The following LRRC37B variants were observed in gnomAD, a reference collection of about 807,000 sequenced individuals.
LRRC37B encodes the protein leucine-rich repeat-containing protein 37B.
Under a neutral mutation model 98.3 loss-of-function variants are expected in LRRC37B, and 28 were observed. The ratio of observed to expected loss-of-function variants is 0.28; its 90% CI spans 0.21 to 0.39. The LOEUF is 0.39. Ranked by LOEUF, LRRC37B falls within the 10% of genes least tolerant of loss-of-function variation. The pLI is 1.00. For synonymous variants in LRRC37B, 364 were observed against 442.7 expected, an observed-to-expected ratio of 0.82 and a Z score of 2.23; for missense variants, 938 against 1,182.7, an observed-to-expected ratio of 0.79 and a Z score of 3.03.
At chr17:32,040,960 A>G in intron 7 of LRRC37B, 3 of 922,954 alleles carry the variant, frequency 3.3e-6, no homozygotes, top group Non-Finnish European at 5.5e-6. Context: ...AAGATCCCCG[A>G]TGAGGAGCTG....
intron 1 of LRRC37B, chr17:32,024,326 C>T: frequency 1.8e-6 from 1 of 570,376 alleles, no homozygotes; most frequent in Non-Finnish European, 3.2e-6. Context: ...TTTCTTTCTA[C>T]TTATTTATCG....
intron 1 of LRRC37B, among the ~76,000 whole-genome samples, chr17:32,013,151 A>T (rs1341185397): frequency 1.3e-5 from 2 of 152,102 alleles, no homozygotes; most frequent in Admixed American, 6.6e-5. Flanking sequence ...TTTAATCTAT[A>T]TATCATGATA....
upstream of LRRC37B, chr17:32,007,754 C>CA: frequency 8.4e-7 from 1 of 1,193,580 alleles, no homozygotes. This position sits in a 1 kb window ranked among gnomAD's most constrained non-coding sequence, Gnocchi z 4.1. Flanking sequence ...GGCAGGTGGG[C>CA]AGCCGCCAGG....
intron 8 of LRRC37B, among the ~76,000 whole-genome samples, chr17:32,046,716 C>G (rs1365813349): frequency 6.6e-6 from 1 of 151,130 alleles, no homozygotes; most frequent in Non-Finnish European, 1.5e-5. Context: ...GTGCTAAGTG[C>G]TGTAGCCTAG....
chr17:32,032,745 CT>C (rs1052573515), intron 5 of LRRC37B, among the ~76,000 whole-genome samples: 2 of 152,154 alleles, frequency 1.3e-5, no homozygotes, highest in African/African-American at 4.8e-5. Flanking sequence ...GTCTGTTTTT[CT>C]TTTGCCCTCA....
At chr17:32,045,938 G>C in intron 8 of LRRC37B, 120 bp downstream of exon 11, 1 of 1,108,568 alleles carries the variant, frequency 9.0e-7, no homozygotes. Flanking sequence ...TACTCAGTCA[G>C]ATTTCAACTC....
intron 3 of LRRC37B, among the ~76,000 whole-genome samples, chr17:32,029,186 A>G (rs1911044541): frequency 6.6e-6 from 1 of 152,072 alleles, no homozygotes; most frequent in African/African-American, 2.4e-5. Context: ...TATTTTTAGT[A>G]GAGACGGGGT....
intron 6 of LRRC37B, 102 bp from the exon 10 acceptor site, chr17:32,035,463 G>A: frequency 3.9e-6 from 5 of 1,293,094 alleles, no homozygotes; most frequent in Non-Finnish European, 5.4e-6. Flanking sequence ...TTGTTTTATA[G>A]AGAAGCCAAA....
chr17:32,027,698 A>C, intron 2 of LRRC37B, 71 bp from the exon 6 acceptor site: 1 of 1,293,152 alleles, frequency 7.7e-7, no homozygotes, highest in Non-Finnish European at 1.1e-6. Context: ...CTCCACATGC[A>C]GGAGATAGTC....
intron 9 of LRRC37B, among the ~76,000 whole-genome samples, chr17:32,048,693 T>C (rs945119010): frequency 4.6e-5 from 7 of 152,122 alleles, no homozygotes; most frequent in Non-Finnish European, 7.4e-5. Context: ...GCCAAAAAGA[T>C]TAGAAAGTTT....
chr17:32,030,336 A>G (rs1911078365), intron 3 of LRRC37B, among the ~76,000 whole-genome samples: 1 of 152,030 alleles, frequency 6.6e-6, no homozygotes, highest in African/African-American at 2.4e-5. Context: ...TAGAAACTAT[A>G]TATAGAGATA....
At chr17:32,041,052 C>A in intron 7 of LRRC37B, 1 of 769,326 alleles carries the variant, frequency 1.3e-6, no homozygotes. Context: ...CAACATTGAG[C>A]AGGTGAGTCA....
intron 1 of LRRC37B, among the ~76,000 whole-genome samples, chr17:32,014,228 A>G (rs1262895196): frequency 1.3e-4 from 20 of 152,244 alleles, no homozygotes; most frequent in Non-Finnish European, 2.9e-4. Flanking sequence ...ACAAAGATCT[A>G]GTGATGATAA....
At chr17:32,042,964 A>G (rs1025599152) in intron 7 of LRRC37B, 42 of 152,058 alleles carry the variant, frequency 2.8e-4, no homozygotes, top group Non-Finnish European at 5.6e-4. Flanking sequence ...AGGCAATGAT[A>G]ATATTAAGTT....
At position 32,045,764 on chromosome 17, in the gene LRRC37B, A is replaced by C. The variant is rs757217946; in HGVS notation, c.2269A>C (p.Lys757Gln). Reference sequence around the variant, plus strand: ...TAAAAATAGCATTGAGGCTGTCTGCAAGACAGTCAAGCTGCATTGCAACAC... The same window carrying C: ...TAAAAATAGCATTGAGGCTGTCTGCCAGACAGTCAAGCTGCATTGCAACAC... Residue 757 changes from lysine (K) to glutamine (Q), a missense_variant, in exon 8 of 12, where the codon AAG (lysine) becomes CAG (glutamine). Around this residue, in one of 2 missense-constraint regions of LRRC37B, gnomAD observed 328 missense variants for 557.0 expected, o/e 0.59. Transcript: ENST00000327564. 349 of 1,601,096 alleles carry C rather than the reference A, an allele frequency of 2.2e-4. No individual in the cohort carries two copies. The highest frequency in any genetic ancestry group is 2.7e-4 in the Non-Finnish European group (324 of 1,179,812).
At chr17:32,039,403 G>T (rs907590931) in intron 7 of LRRC37B, among the ~76,000 whole-genome samples, 1 of 143,578 alleles carries the variant, frequency 7.0e-6, no homozygotes, top group Non-Finnish European at 1.5e-5. Context: ...CTTGAACCCA[G>T]GAGGTAGAGG....
At chr17:32,024,204 T>C (rs1198503231) in intron 1 of LRRC37B, among the ~76,000 whole-genome samples, 4 of 151,172 alleles carry the variant, frequency 2.6e-5, no homozygotes, top group African/African-American at 7.3e-5. Flanking sequence ...TCTAGCAAAA[T>C]GTAGGAGTAA....
intron 7 of LRRC37B, among the ~76,000 whole-genome samples, chr17:32,038,623 G>A (rs1379775915): frequency 6.6e-6 from 1 of 152,178 alleles, no homozygotes; most frequent in African/African-American, 2.4e-5. Context: ...TTGGGAGGCC[G>A]AGGCAGGTGG....
intron 7 of LRRC37B, among the ~76,000 whole-genome samples, chr17:32,037,125 C>T (rs1046853047): frequency 6.0e-5 from 9 of 151,012 alleles, no homozygotes; most frequent in Non-Finnish European, 1.3e-4. Context: ...TAGCTGTAGG[C>T]ACCCGCCACC....
Sources: gnomAD v4.1 joint callset for allele counts (sites outside exome capture counted in the v4.1 genomes callset) on GRCh38, gnomAD v4.1.1 for gene constraint, gnomAD v4.1.1 regional missense constraint, Gnocchi (gnomAD v3.1) non-coding constraint, MANE v1.5 for transcripts, NCBI Gene and HGNC (gene_info 2026-07-23, HGNC 2026-07-21) for gene names.